The following PIGL variants were observed in gnomAD, a reference collection of about 807,000 sequenced individuals.
PIGL encodes phosphatidylinositol glycan anchor biosynthesis class L.
PIGL carries 22 observed loss-of-function variants against 31.1 expected under a neutral mutation model. That is an observed-to-expected ratio of 0.71 (90% confidence interval 0.51 to 1.01). PIGL has a LOEUF of 1.01. Ranked by LOEUF, PIGL falls within the 50% of genes least tolerant of loss-of-function variation. PIGL has a pLI of 0.00. For missense variants in PIGL, 302 were observed against 315.9 expected, an observed-to-expected ratio of 0.96 and a Z score of 0.33; for synonymous variants, 131 against 117.4, an observed-to-expected ratio of 1.12 and a Z score of -0.75.
chr17:16,278,533 G>A (rs1335272309), intron 2 of PIGL, among the ~76,000 whole-genome samples: 1 of 152,134 alleles, frequency 6.6e-6, no homozygotes, highest in African/African-American at 2.4e-5. Flanking sequence ...ACTCTGTTGT[G>A]CTTTTATTCC....
At chr17:16,230,983 G>C (rs2092675984) in intron 1 of PIGL, among the ~76,000 whole-genome samples, 1 of 148,870 alleles carries the variant, frequency 6.7e-6, no homozygotes, top group East Asian at 2.0e-4. Flanking sequence ...TCCATTTCTT[G>C]TTCTAACAAA....
At chr17:16,221,898 C>T (rs1159518801) in intron 1 of PIGL, among the ~76,000 whole-genome samples, 3 of 152,198 alleles carry the variant, frequency 2.0e-5, no homozygotes, top group East Asian at 1.9e-4. Context: ...GGATTACAGA[C>T]GTGAGCCACC....
At chr17:16,270,665 G>A (rs56127666) in intron 2 of PIGL, among the ~76,000 whole-genome samples, 15 of 152,158 alleles carry the variant, frequency 9.9e-5, no homozygotes, top group Non-Finnish European at 1.8e-4. Context: ...AGGAGATTGA[G>A]GTAGGCGGAT....
chr17:16,307,634 T>G (rs2142850199), intron 3 of PIGL, among the ~76,000 whole-genome samples: 1 of 152,252 alleles, frequency 6.6e-6, no homozygotes, highest in East Asian at 1.9e-4. Flanking sequence ...TGCTCAGTAA[T>G]GTCATTAGCT....
rs1012961761 is a variant in PIGL, at chr17:16,315,069, G to A, written c.494+1455G>A. 1.6e-4 allele frequency among the ~76,000 whole-genome samples: 24 copies of A among 152,146 alleles called. 1 individual carries two copies. The highest frequency in any genetic ancestry group is 1.6e-3 in the Admixed American group (24 of 15,262). On this transcript the variant is annotated intron_variant, in intron 4 of 6. Coordinates refer to ENST00000225609, the MANE Select transcript of PIGL (RefSeq NM_004278.4). ...GATTGAGTCACCTGGTCCCATTCCTGGTCCAGTCACCACTGAAGTGGAGAA... is the reference window on the plus strand; with the variant it reads ...GATTGAGTCACCTGGTCCCATTCCTAGTCCAGTCACCACTGAAGTGGAGAA...
At chr17:16,271,482 C>T (rs544773640) in intron 2 of PIGL, among the ~76,000 whole-genome samples, 2 of 152,062 alleles carry the variant, frequency 1.3e-5, no homozygotes, top group Admixed American at 6.5e-5. Flanking sequence ...ATTTTAGTTT[C>T]AGATAAACAA....
rs116819129 is a variant in PIGL, at chr17:16,290,673, T to C, written c.336-9215T>C. On this transcript the variant is annotated intron_variant, in intron 2 of 6. Coordinates refer to ENST00000225609, the MANE Select transcript of PIGL (RefSeq NM_004278.4). Reference sequence around the variant, plus strand: ...TCCTAGGATTACAGGCATGAGCTACTGCGCCCAGCCCAGACTTTTTTGTTG... The same window carrying C: ...TCCTAGGATTACAGGCATGAGCTACCGCGCCCAGCCCAGACTTTTTTGTTG... Among the ~76,000 whole-genome samples, 1,517 of 152,258 alleles carry C rather than the reference T, an allele frequency of 1.0e-2. 24 individuals are homozygous for C. The highest frequency in any genetic ancestry group is 0.034 in the African/African-American group (1,427 of 41,536).
intron 2 of PIGL, among the ~76,000 whole-genome samples, chr17:16,264,617 T>C (rs143991606): frequency 1.4e-4 from 2 of 14,794 alleles, no homozygotes; most frequent in East Asian, 3.8e-3. Flanking sequence ...TTATTATTAT[T>C]ATTATTATTA....
At chr17:16,224,760 G>A (rs535771755) in intron 1 of PIGL, among the ~76,000 whole-genome samples, 12 of 152,182 alleles carry the variant, frequency 7.9e-5, no homozygotes, top group Non-Finnish European at 1.6e-4. Flanking sequence ...AGGTTCAAGC[G>A]ATTCTCCTGC....
rs2142884825 is a variant in PIGL, at chr17:16,325,880, C to T, written c.741C>T (p.Asn247=). ...TCTTCTCCCGGTACATGAGAATCAA[C>T]TCACTGAGCTTCCTCTGAAGCCTTG... The part of the protein sequence containing the change: ...YIIFSRYMRI[N]SLSFL The change falls in exon 7 of 7, where the codon AAC becomes AAT. Residue 247 remains asparagine, a synonymous_variant. Transcript: ENST00000225609. 8.7e-6 allele frequency: 14 copies of T among 1,612,962 alleles called. No homozygotes were observed. Among genetic ancestry groups the T allele is most frequent in the Non-Finnish European group, 1.1e-5 (13 of 1,178,972 alleles).
At chr17:16,223,570 C>CT (rs2092638995) in intron 1 of PIGL, among the ~76,000 whole-genome samples, 1 of 151,776 alleles carries the variant, frequency 6.6e-6, no homozygotes, top group South Asian at 2.1e-4. Flanking sequence ...GAGCTAGACT[C>CT]TATCTCAAAA....
At chr17:16,241,876 A>T (rs1297945302) in intron 2 of PIGL, among the ~76,000 whole-genome samples, 3 of 152,152 alleles carry the variant, frequency 2.0e-5, no homozygotes, top group African/African-American at 7.2e-5. Context: ...GATTGTAAAG[A>T]TTTAATCGTG....
chr17:16,289,759 G>C (rs1014176750), intron 2 of PIGL, among the ~76,000 whole-genome samples: 1 of 151,866 alleles, frequency 6.6e-6, no homozygotes, highest in African/African-American at 2.4e-5. Context: ...TGTCACATAG[G>C]CAGGGCAATG....
At chr17:16,310,527 G>A (rs1218201433) in intron 3 of PIGL, among the ~76,000 whole-genome samples, 1 of 152,096 alleles carries the variant, frequency 6.6e-6, no homozygotes, top group East Asian at 1.9e-4. Flanking sequence ...CAGAATAAGA[G>A]TGCAGGTCTT....
At chr17:16,248,077 G>A (rs2092756376) in intron 2 of PIGL, among the ~76,000 whole-genome samples, 1 of 152,040 alleles carries the variant, frequency 6.6e-6, no homozygotes, top group African/African-American at 2.4e-5. Flanking sequence ...TAGTAGAGAC[G>A]GGGTTTCAGC....
At chr17:16,315,269 A>G (rs908915368) in intron 4 of PIGL, among the ~76,000 whole-genome samples, 16 of 152,188 alleles carry the variant, frequency 1.1e-4, no homozygotes, top group African/African-American at 3.9e-4. Context: ...CCAATCTGCC[A>G]CAACCTTTTT....
At chr17:16,226,875 A>G (rs1410611811) in intron 1 of PIGL, among the ~76,000 whole-genome samples, 1 of 152,154 alleles carries the variant, frequency 6.6e-6, no homozygotes, top group Non-Finnish European at 1.5e-5. Flanking sequence ...AGATGTTCTC[A>G]AAGTGCTCTG....
chr17:16,246,146 T>A (rs1034318970), intron 2 of PIGL, among the ~76,000 whole-genome samples: 2 of 151,772 alleles, frequency 1.3e-5, no homozygotes, highest in Non-Finnish European at 1.5e-5. Flanking sequence ...TTTTTATATA[T>A]CACATGAAGA....
chr17:16,236,418 A>T (rs1278441168), intron 2 of PIGL, among the ~76,000 whole-genome samples: 1 of 152,040 alleles, frequency 6.6e-6, no homozygotes, highest in Non-Finnish European at 1.5e-5. Context: ...CCTTTCTTTC[A>T]AGTACAATGA....
Sources: gnomAD v4.1 joint callset for allele counts (sites outside exome capture counted in the v4.1 genomes callset) on GRCh38, gnomAD v4.1.1 for gene constraint, MANE v1.5 for transcripts, NCBI Gene and HGNC (gene_info 2026-07-23, HGNC 2026-07-21) for gene names.